The following PRCP variants were observed in gnomAD, a reference collection of about 807,000 sequenced individuals.
PRCP encodes the protein prolylcarboxypeptidase.
Under a neutral mutation model 54.2 loss-of-function variants are expected in PRCP, and 46 were observed. The ratio of observed to expected loss-of-function variants is 0.85; its 90% confidence interval spans 0.67 to 1.09. The LOEUF (loss-of-function observed/expected upper bound fraction) is 1.09. PRCP is among the 50% of genes least tolerant of loss of function. The probability of loss-of-function intolerance (pLI) is 0.00; values close to 1 mark genes in which losing one functional copy is unlikely to be tolerated. For synonymous variants in PRCP, 240 were observed against 212.2 expected, an observed-to-expected ratio of 1.13 and a Z score of -1.14; for missense variants, 613 against 596.8, an observed-to-expected ratio of 1.03 and a Z score of -0.28.
chr11:82,882,596 C>A (rs1859774818), intron 1 of PRCP, among the ~76,000 whole-genome samples: 1 of 147,864 alleles, frequency 6.8e-6, no homozygotes, highest in Admixed American at 6.7e-5. Flanking sequence ...CCCGGGTTCA[C>A]GCCATTCTCC....
At chr11:82,893,823 T>C (rs1376624037) in intron 1 of PRCP, among the ~76,000 whole-genome samples, 1 of 152,158 alleles carries the variant, frequency 6.6e-6, no homozygotes. Context: ...ATAGTTCTCT[T>C]GCCTACAAAA....
chr11:82,900,078 G>C (rs1860226009), intron 1 of PRCP, 157 bp downstream of exon 1: 23 of 939,708 alleles, frequency 2.4e-5, no homozygotes, highest in Non-Finnish European at 3.7e-5. Flanking sequence ...ACAGAACTGG[G>C]ATTTGGGACC....
chr11:82,863,855 T>C (rs1006493275), intron 1 of PRCP, among the ~76,000 whole-genome samples: 5 of 152,140 alleles, frequency 3.3e-5, no homozygotes, highest in African/African-American at 9.7e-5. Flanking sequence ...ATTGTTAAGA[T>C]TGGGGAAAAG....
chr11:82,890,389 AT>A (rs1263806438), intron 1 of PRCP, among the ~76,000 whole-genome samples: 6 of 152,118 alleles, frequency 3.9e-5, no homozygotes, highest in African/African-American at 1.4e-4. Context: ...ATCTGTGCCT[AT>A]ATGATGTGCC....
At chr11:82,862,689 A>G (rs907343249) in intron 1 of PRCP, among the ~76,000 whole-genome samples, 23 of 152,252 alleles carry the variant, frequency 1.5e-4, no homozygotes, top group Admixed American at 9.8e-4. Context: ...CACCATATGT[A>G]GTCCTAAAAT....
intron 6 of PRCP, among the ~76,000 whole-genome samples, chr11:82,843,684 C>T (rs953712088): frequency 5.9e-5 from 9 of 152,144 alleles, no homozygotes; most frequent in South Asian, 2.1e-4. Context: ...CTACATAAGG[C>T]GTGTCATTCC....
At chr11:82,859,071 C>T (rs1054222964) in intron 2 of PRCP, among the ~76,000 whole-genome samples, 1 of 152,200 alleles carries the variant, frequency 6.6e-6, no homozygotes, top group African/African-American at 2.4e-5. Context: ...AGGGATAATA[C>T]ATAATTCATT....
In PRCP at chr11:82,896,328, T is replaced by C. The variant is rs537491364; in HGVS notation, c.168+3907A>G. ...ATTTTTTGGATGAGATTAACATTTATATCAGCGGACTTTAAATCAGTGGAC... is the reference window on the plus strand; with the variant it reads ...ATTTTTTGGATGAGATTAACATTTACATCAGCGGACTTTAAATCAGTGGAC... On this transcript the variant is annotated intron_variant, in intron 1 of 8. Coordinates refer to ENST00000313010, the MANE Select transcript of PRCP (RefSeq NM_005040.4). 4.8e-4 allele frequency among the ~76,000 whole-genome samples: 73 copies of C among 152,330 alleles called. 1 individual carries two copies. In the South Asian group the frequency reaches 0.014, roughly 30 times the overall value.
Position 82,853,198 on chromosome 11 carries a change from G to C in PRCP, c.390C>G (p.Pro130=), listed in dbSNP as rs1461659824. ...AEHRYYGESL[P]FGDNSFKDSR... is the part of the protein sequence containing the mutation. ...TTACCTTGAATGAGTTGTCACCAAA[G>C]GGGAGAGACTCTCCATAGTATCGAT... The change falls in exon 3 of 9, where the codon CCC becomes CCG. Residue 130 remains proline (P), a synonymous_variant. Coordinates refer to ENST00000313010, the MANE Select transcript of PRCP (RefSeq NM_005040.4). 1.9e-6 allele frequency: 3 copies of C among 1,608,074 alleles called. No individual in the cohort carries two copies. Among genetic ancestry groups the C allele is most frequent in the Non-Finnish European group, 2.6e-6 (3 of 1,176,318 alleles).
Position 82,825,192 on chromosome 11 carries a change from GA to G in PRCP, c.1275-71del, listed in dbSNP as rs1454537252. 4 of 1,383,334 alleles carry G rather than the reference GA, an allele frequency of 2.9e-6. No homozygotes were observed. The African/African-American group carries it at 5.8e-5, about 20-fold the overall frequency. The allele number at this position is 1,383,334 out of a possible 1,614,324, so 85.7% of individuals were successfully genotyped here. A position where few individuals can be genotyped will look rare whatever the true frequency, so the allele number is the denominator to read the frequency against. On this transcript the variant is annotated intron_variant, in intron 8 of 8. Transcript: ENST00000313010. Reference sequence around the variant, plus strand: ...ATGTTAACACTCAGATAAGCTAGAAGAAACCTATTACATGTTTAACACCTAA... The same window carrying G: ...ATGTTAACACTCAGATAAGCTAGAAGAACCTATTACATGTTTAACACCTAA...
intron 6 of PRCP, among the ~76,000 whole-genome samples, chr11:82,847,569 T>TCAAATGCAAAATGA (rs1226212018): frequency 1.3e-5 from 2 of 152,160 alleles, no homozygotes; most frequent in Non-Finnish European, 2.9e-5. Context: ...TAGTTTAGAT[T>TCAAATGCAAAATGA]TAGTTTTTCC....
At chr11:82,843,368 C>T (rs1399219146) in intron 6 of PRCP, 1 of 150,754 alleles carries the variant, frequency 6.6e-6, no homozygotes, top group East Asian at 1.9e-4. Flanking sequence ...TATCAAATAA[C>T]TGTAGGATGC....
intron 6 of PRCP, chr11:82,839,683 C>T: frequency 2.4e-6 from 1 of 417,182 alleles, no homozygotes. Flanking sequence ...ATCTTAGCTT[C>T]CTCTTTGCTG....
chr11:82,862,757 C>A (rs1165740526), intron 1 of PRCP, among the ~76,000 whole-genome samples: 1 of 152,058 alleles, frequency 6.6e-6, no homozygotes. Context: ...TTTTTATGGA[C>A]GAGGTATGTA....
At chr11:82,858,395 A>C (rs567409933) in intron 2 of PRCP, 1 of 152,362 alleles carries the variant, frequency 6.6e-6, no homozygotes, top group East Asian at 1.9e-4. Context: ...AATGTCCAGC[A>C]GTGAATGTGC....
intron 1 of PRCP, among the ~76,000 whole-genome samples, chr11:82,872,181 C>T (rs1842565953): frequency 6.6e-6 from 1 of 152,122 alleles, no homozygotes. Context: ...ATATAGGGTT[C>T]AGTACTAACC....
intron 2 of PRCP, 87 bp downstream of exon 2, chr11:82,859,890 T>C (rs932099232): frequency 3.1e-6 from 4 of 1,293,916 alleles, no homozygotes; most frequent in Middle Eastern, 4.5e-4. Flanking sequence ...ACAGCAATGT[T>C]TGGTCATACA....
At chr11:82,898,507 T>C in intron 1 of PRCP, among the ~76,000 whole-genome samples, 1 of 152,212 alleles carries the variant, frequency 6.6e-6, no homozygotes, top group South Asian at 2.1e-4. Context: ...ACTTTAGCAG[T>C]TGAGTTCTGC....
intron 1 of PRCP, among the ~76,000 whole-genome samples, chr11:82,892,922 T>C (rs905350471): frequency 7.9e-5 from 12 of 152,226 alleles, no homozygotes; most frequent in African/African-American, 2.7e-4. Flanking sequence ...GGCCAGGACC[T>C]AGCCCAGTGC....
Sources: allele counts gnomAD v4.1 joint callset (sites outside exome capture counted in the v4.1 genomes callset), GRCh38; gene constraint gnomAD v4.1.1; transcripts MANE v1.5; gene names NCBI Gene and HGNC (gene_info 2026-07-23, HGNC 2026-07-21).